Variants in SLCO2B1 observed in about 807,000 individuals in gnomAD.
The protein encoded by SLCO2B1 is solute carrier organic anion transporter family member 2B1, also known as OATP-RP2.
A neutral mutation model predicts 67.3 loss-of-function variants in SLCO2B1; 41 were observed. That is an observed-to-expected ratio of 0.61 (90% CI 0.47 to 0.79). The LOEUF (loss-of-function observed/expected upper bound fraction) is 0.79, where lower values mean the gene tolerates loss of function less well. Ranked by LOEUF, SLCO2B1 falls within the 30% of genes least tolerant of loss-of-function variation. The pLI, the probability that SLCO2B1 is intolerant of heterozygous loss-of-function variation, is 0.00. For synonymous variants in SLCO2B1, 379 were observed against 381.4 expected, an observed-to-expected ratio of 0.99 and a Z score of 0.07; for missense variants, 837 against 920.1, an observed-to-expected ratio of 0.91 and a Z score of 1.17.
At position 75,193,478 on chromosome 11, in the gene SLCO2B1, T is replaced by C; in HGVS notation, c.1336T>C (p.Cys446Arg). Residue 446 changes from cysteine (C) to arginine (R), a missense_variant, in exon 9 of 14, where the codon TGC becomes CGC. Transcript: ENST00000289575. The surrounding 1 kb of genome is among the most constrained non-coding windows in gnomAD (Gnocchi z 4.2). ...HLGPVGCGAL[C>R]LLGMLLCLFF... ...GGGCCCTGTGGGATGCGGTGCCCTTTGCCTGCTGGGGATGCTGCTGTGCCT... is the reference window on the plus strand; with the variant it reads ...GGGCCCTGTGGGATGCGGTGCCCTTCGCCTGCTGGGGATGCTGCTGTGCCT... 2 of 1,611,422 alleles carry C rather than the reference T, an allele frequency of 1.2e-6. No homozygotes were observed. The highest frequency in any genetic ancestry group is 4.5e-5 in the East Asian group (2 of 44,786).
intron 1 of SLCO2B1, chr11:75,159,820 G>A (rs1244533785): frequency 5.1e-6 from 5 of 984,856 alleles, no homozygotes; most frequent in Non-Finnish European, 6.0e-6. Context: ...TCCCAGGAAG[G>A]CTTTGAGCCT....
Position 75,193,179 on chromosome 11 carries a change from C to T in SLCO2B1, c.1076-39C>T, listed in dbSNP as rs1380409741. ...GGGCAGTCTCTGCTGGACAGCTTGG[C>T]TGCCCTGCCTGCCCTGACCTCTGCA... On this transcript the variant is annotated intron_variant, in intron 8 of 13. Transcript: ENST00000289575. This position sits in a 1 kb window ranked among gnomAD's most constrained non-coding sequence, Gnocchi z 4.2. The T allele has an allele frequency of 1.3e-6, 2 of 1,505,156 alleles. No homozygotes were observed. The highest frequency in any genetic ancestry group is 2.4e-5 in the South Asian group (2 of 82,332). 93.2% of individuals were successfully genotyped at this position (1,505,156 alleles called of 1,614,324 possible).
At chr11:75,163,734 A>C (rs1949852022) in intron 2 of SLCO2B1, among the ~76,000 whole-genome samples, 2 of 146,224 alleles carry the variant, frequency 1.4e-5, no homozygotes, top group African/African-American at 5.0e-5. Context: ...TCTGCCCCCT[A>C]CCTCCTCTGG....
intron 4 of SLCO2B1, among the ~76,000 whole-genome samples, chr11:75,166,478 C>T (rs550043524): frequency 6.6e-6 from 1 of 152,130 alleles, no homozygotes; most frequent in East Asian, 1.9e-4. Flanking sequence ...TTGTTGAGGC[C>T]CTACTTGACA....
At chr11:75,192,407 T>C in intron 8 of SLCO2B1, among the ~76,000 whole-genome samples, 1 of 152,074 alleles carries the variant, frequency 6.6e-6, no homozygotes, top group East Asian at 1.9e-4. Flanking sequence ...AGAGGTATAG[T>C]ACGTTAGGTA....
At position 75,193,412 on chromosome 11, in the gene SLCO2B1, G is replaced by A; in HGVS notation, c.1270G>A (p.Gly424Ser). ...GCLSFPSVIVGIVVGGVLVKR... is the reference protein window; with the variant it reads ...GCLSFPSVIVSIVVGGVLVKR... ...CCTCTCCTTCCCTTCGGTCATCGTG[G>A]GCATCGTGGTGGGTGGCGTCCTGGT... Residue 424 changes from glycine to serine, a missense_variant, in exon 9 of 14, where the codon GGC (glycine) becomes AGC (serine). Gly to Ser is a moderately conservative substitution (Grantham distance 56). Transcript: ENST00000289575. This position sits in a 1 kb window ranked among gnomAD's most constrained non-coding sequence, Gnocchi z 4.2. 6.2e-7 allele frequency: 1 copy of A among 1,614,152 alleles called. No homozygotes were observed. Among genetic ancestry groups the A allele is most frequent in the Non-Finnish European group, 8.5e-7 (1 of 1,179,994 alleles).
At chr11:75,192,281 G>A (rs943956040) in intron 8 of SLCO2B1, among the ~76,000 whole-genome samples, 3 of 152,196 alleles carry the variant, frequency 2.0e-5, no homozygotes, top group African/African-American at 7.2e-5. Flanking sequence ...GAATTCAGGT[G>A]CCTCCTATAT....
chr11:75,164,009 T>TC lies in SLCO2B1; in HGVS notation c.195dup (p.Ser66LeufsTer85). 1 of 1,605,886 alleles carries TC rather than the reference T, an allele frequency of 6.2e-7. No homozygotes were observed. The highest frequency in any genetic ancestry group is 1.1e-5 in the South Asian group (1 of 89,284). ...CTGCTGCAGCTGGCGCAGCTCATGA[T>TC]CTCCGGCTACCTAAAGAGCTCCATC... On this transcript the variant is annotated frameshift_variant, in exon 3 of 14. Coordinates refer to ENST00000289575, the MANE Select transcript of SLCO2B1 (RefSeq NM_007256.5). LOFTEE classifies it high-confidence loss of function.
chr11:75,165,900 T>G lies in SLCO2B1; in HGVS notation c.399T>G (p.Thr133=). Residue 133 remains threonine, a synonymous_variant, in exon 4 of 14, where the codon ACT becomes ACG. Coordinates refer to ENST00000289575, the MANE Select transcript of SLCO2B1 (RefSeq NM_007256.5). ...ILVALAGLLM[T]LPHFISEPYR... ...TGGCCCTGGCGGGCCTGCTCATGAC[T>G]CTCCCGCACTTCATCTCGGAGCCAT... 1 of 1,614,012 alleles carries G rather than the reference T, an allele frequency of 6.2e-7. No individual in the cohort carries two copies. Among genetic ancestry groups the G allele is most frequent in the Non-Finnish European group, 8.5e-7 (1 of 1,179,958 alleles).
In SLCO2B1 at chr11:75,169,278, A is replaced by G; in HGVS notation, c.554A>G (p.His185Arg). 1.2e-6 allele frequency: 2 copies of G among 1,614,182 alleles called. No individual in the cohort carries two copies. Among genetic ancestry groups the G allele is most frequent in the East Asian group, 2.2e-5 (1 of 44,872 alleles). The change falls in exon 5 of 14, where the codon CAT (histidine) becomes CGT (arginine). Residue 185 changes from histidine to arginine, a missense_variant. Physicochemically the swap from His to Arg is conservative, Grantham distance 29. Coordinates refer to ENST00000289575, the MANE Select transcript of SLCO2B1 (RefSeq NM_007256.5). Reference sequence around the variant, plus strand: ...TGCTCAAGCTACACAGAAACCCAGCATCTGAGTGTGGTGGGGATCATGTTC... The same window carrying G: ...TGCTCAAGCTACACAGAAACCCAGCGTCTGAGTGTGGTGGGGATCATGTTC... ...GNCSSYTETQ[H>R]LSVVGIMFVA...
chr11:75,168,602 C>T (rs1949921085), intron 4 of SLCO2B1, among the ~76,000 whole-genome samples: 1 of 152,172 alleles, frequency 6.6e-6, no homozygotes, highest in African/African-American at 2.4e-5. Context: ...TGCCAAGGGC[C>T]CCAGGGCCCT....
In SLCO2B1 at chr11:75,163,962, G is replaced by A; in HGVS notation, c.148-1G>A. On this transcript the variant is annotated splice_acceptor_variant, in intron 2 of 13. Transcript: ENST00000289575. LOFTEE classifies it high-confidence loss of function. ...CTGCCTGCCTCCGGGTCCCCCCACA[G>A]CTGTTCGTTCTGTGCCACAGCCTGC... 6 of 1,596,934 alleles carry A rather than the reference G, an allele frequency of 3.8e-6. No individual in the cohort carries two copies. The highest frequency in any genetic ancestry group is 5.1e-6 in the Non-Finnish European group (6 of 1,172,086).
chr11:75,202,982 G>A lies in SLCO2B1; in HGVS notation c.1828+17G>A. On this transcript the variant is annotated intron_variant, in intron 12 of 13. Transcript: ENST00000289575. The stretch of plus-strand genomic sequence containing the variant: ...GGATTTTGGGTAAAGATCTTGCTTG[G>A]GACCATTGGTGGTGGTGATGGGGTC... 6.2e-7 allele frequency: 1 copy of A among 1,611,616 alleles called. No homozygotes were observed. Among genetic ancestry groups the A allele is most frequent in the Middle Eastern group, 1.7e-4 (1 of 6,050 alleles).
intron 8 of SLCO2B1, among the ~76,000 whole-genome samples, chr11:75,190,855 G>A (rs1945012163): frequency 6.6e-6 from 1 of 152,184 alleles, no homozygotes; most frequent in African/African-American, 2.4e-5. Context: ...TGTCTGATGG[G>A]GGAGACACTG....
intron 13 of SLCO2B1, 36 bp from the exon 14 acceptor site, chr11:75,204,364 A>G: frequency 6.4e-7 from 1 of 1,556,102 alleles, no homozygotes; most frequent in Non-Finnish European, 8.7e-7. Flanking sequence ...CTGGCCTGGC[A>G]GCTCTTGAGT....
intron 1 of SLCO2B1, among the ~76,000 whole-genome samples, chr11:75,153,347 G>T (rs1949713211): frequency 6.6e-6 from 1 of 152,208 alleles, no homozygotes; most frequent in East Asian, 1.9e-4. Context: ...GGGCAGACAG[G>T]TGGGGCGAGG....
Position 75,165,709 on chromosome 11 carries a change from G to C in SLCO2B1, c.286-78G>C. On this transcript the variant is annotated intron_variant, in intron 3 of 13. Transcript: ENST00000289575. Reference sequence around the variant, plus strand: ...TATTCAGATGGGCATACGGAAGTTAGACATAGAGACAAGGATAGTGCAGGC... The same window carrying C: ...TATTCAGATGGGCATACGGAAGTTACACATAGAGACAAGGATAGTGCAGGC... The C allele has an allele frequency of 2.8e-6, 4 of 1,440,238 alleles. No individual in the cohort carries two copies. In the Admixed American group the frequency reaches 7.4e-5, roughly 27 times the overall value. 89.2% of individuals were successfully genotyped at this position (1,440,238 alleles called of 1,614,324 possible).
chr11:75,167,655 T>C (rs958798403), intron 4 of SLCO2B1, among the ~76,000 whole-genome samples: 5 of 152,174 alleles, frequency 3.3e-5, no homozygotes, highest in African/African-American at 1.2e-4. Flanking sequence ...CTAATAATTG[T>C]TGCATCTAAC....
In SLCO2B1 at chr11:75,165,846, C is replaced by T. The variant is rs745658827; in HGVS notation, c.345C>T (p.Pro115=). Residue 115 remains proline, a synonymous_variant, in exon 4 of 14, where the codon CCC becomes CCT. Transcript: ENST00000289575. The part of the protein sequence containing the change: ...VSYFGSRVHR[P]RMIGYGAILV... ...ATTTTGGCAGCCGGGTGCACCGACC[C>T]CGAATGATTGGCTATGGGGCTATCC... The T allele has an allele frequency of 3.3e-5, 54 of 1,614,058 alleles. No homozygotes were observed. The highest frequency in any genetic ancestry group is 4.4e-5 in the Non-Finnish European group (52 of 1,180,012).
Sources: allele counts gnomAD v4.1 joint callset (sites outside exome capture counted in the v4.1 genomes callset), GRCh38; gene constraint gnomAD v4.1.1; non-coding constraint Gnocchi (gnomAD v3.1); transcripts MANE v1.5; gene names NCBI Gene and HGNC (gene_info 2026-07-23, HGNC 2026-07-21).